The following CELF2 variants were observed in gnomAD, a reference collection of about 807,000 sequenced individuals.
The protein encoded by CELF2 is CUGBP Elav-like family member 2.
Under a neutral mutation model 62.6 loss-of-function variants are expected in CELF2, and 8 were observed. The observed-to-expected ratio is 0.13, with a 90% CI of 0.07 to 0.23. The LOEUF is 0.23. Ranked by LOEUF, CELF2 falls within the 10% of genes least tolerant of loss-of-function variation. The probability of loss-of-function intolerance (pLI) is 1.00; values close to 1 mark genes in which losing one functional copy is unlikely to be tolerated. For missense variants in CELF2, 333 were observed against 671.0 expected (o/e 0.50, Z 5.56); for synonymous variants, 258 against 250.0 (o/e 1.03, Z -0.30).
At chr10:10,499,437 T>G in the CELF2 span, among the ~76,000 whole-genome samples, 2 of 152,320 alleles carry the variant, frequency 1.3e-5, no homozygotes, top group Non-Finnish European at 2.9e-5. Flanking sequence ...GGGCTAAACT[T>G]ACTAGTAATT....
At chr10:11,061,646 G>A (rs550097001) in intron 1 of CELF2, among the ~76,000 whole-genome samples, 108 of 152,172 alleles carry the variant, frequency 7.1e-4, no homozygotes, top group Middle Eastern at 6.8e-3. Context: ...TCTTATAAGG[G>A]GCTAATACAA....
chr10:11,310,605 G>T (rs1411802428), intron 9 of CELF2, among the ~76,000 whole-genome samples: 1 of 151,998 alleles, frequency 6.6e-6, no homozygotes, highest in Non-Finnish European at 1.5e-5. Flanking sequence ...CCCTAAAATT[G>T]TGTGAAAATG....
chr10:11,304,953 T>C (rs1004085927), intron 9 of CELF2, among the ~76,000 whole-genome samples: 3 of 152,180 alleles, frequency 2.0e-5, no homozygotes, highest in African/African-American at 7.2e-5. Flanking sequence ...AGGCCCCAAA[T>C]AAGCTTCATT....
intron 1 of CELF2, among the ~76,000 whole-genome samples, chr10:10,845,229 G>A (rs2058934929): frequency 6.6e-6 from 1 of 151,712 alleles, no homozygotes; most frequent in Admixed American, 6.6e-5. Flanking sequence ...CCTCAAATGG[G>A]AGATCTGTAT....
chr10:11,061,106 G>A (rs932501174), intron 1 of CELF2, among the ~76,000 whole-genome samples: 6 of 152,230 alleles, frequency 3.9e-5, no homozygotes, highest in African/African-American at 1.4e-4. Context: ...AACGCTGAAA[G>A]CTGGGTCTGT....
intron 1 of CELF2, among the ~76,000 whole-genome samples, chr10:10,914,158 T>G (rs1471519210): frequency 6.6e-6 from 1 of 152,152 alleles, no homozygotes; most frequent in Non-Finnish European, 1.5e-5. Context: ...CTCTGTACTT[T>G]TGGGAAAAAA....
chr10:11,049,558 T>TAAAAAAA (rs368708381), intron 1 of CELF2, among the ~76,000 whole-genome samples: 3 of 96,906 alleles, frequency 3.1e-5, no homozygotes, highest in Admixed American at 1.4e-4. Flanking sequence ...CTTTCTTTAG[T>TAAAAAAA]AAAAAAAAAA....
the CELF2 span, among the ~76,000 whole-genome samples, chr10:10,741,900 GTTGT>G: frequency 1.3e-5 from 2 of 152,134 alleles, no homozygotes; most frequent in Non-Finnish European, 2.9e-5. Context: ...TTGTTACTGT[GTTGT>G]TTGTCTAATG....
intron 2 of CELF2, among the ~76,000 whole-genome samples, chr10:10,970,272 G>A (rs952549452): frequency 6.6e-6 from 1 of 152,056 alleles, no homozygotes; most frequent in Non-Finnish European, 1.5e-5. Flanking sequence ...TCACCATGTT[G>A]GCCAGGCTGG....
Position 11,165,271 on chromosome 10 carries a change from C to T in CELF2, c.75-215C>T, listed in dbSNP as rs2066726138. ...CCCGTGCTCCCCCGGCTCTGCTCGA[C>T]AGCAGCACGCAGTGAGAGCCTCGCC... On this transcript the variant is annotated intron_variant, in intron 1 of 12. Coordinates refer to ENST00000633077, the MANE Select transcript of CELF2 (RefSeq NM_001326342.2). This position sits in a 1 kb window ranked among gnomAD's most constrained non-coding sequence, Gnocchi z 7.4. The T allele has an allele frequency of 7.2e-7, 1 of 1,386,114 alleles. No individual in the cohort carries two copies. Among genetic ancestry groups the T allele is most frequent in the Non-Finnish European group, 9.3e-7 (1 of 1,070,224 alleles). 85.9% of individuals were successfully genotyped at this position (1,386,114 alleles called of 1,614,324 possible). A position where few individuals can be genotyped will look rare whatever the true frequency, so the allele number is the denominator to read the frequency against.
intron 3 of CELF2, among the ~76,000 whole-genome samples, chr10:11,229,419 G>A (rs963644325): frequency 1.3e-5 from 2 of 152,008 alleles, no homozygotes; most frequent in African/African-American, 2.4e-5. Context: ...ATAAAGAACC[G>A]ATGAAGACAA....
chr10:11,071,487 A>G (rs1399678859), intron 1 of CELF2: 2 of 152,230 alleles, frequency 1.3e-5, no homozygotes, highest in Non-Finnish European at 2.9e-5. Flanking sequence ...TTCCTGACTT[A>G]TCTTCGACAC....
chr10:11,182,724 A>G (rs1285497297), intron 2 of CELF2, among the ~76,000 whole-genome samples: 2 of 152,212 alleles, frequency 1.3e-5, no homozygotes, highest in Non-Finnish European at 2.9e-5. Context: ...CTGCCAGCAT[A>G]CAGCTTGTCC....
the CELF2 span, among the ~76,000 whole-genome samples, chr10:10,761,428 G>T: frequency 1.6e-4 from 25 of 152,230 alleles, no homozygotes; most frequent in Non-Finnish European, 2.8e-4. Context: ...CATGAAAAAT[G>T]TATGTTGATT....
chr10:11,185,089 A>C (rs542549414), intron 2 of CELF2, among the ~76,000 whole-genome samples: 2 of 152,184 alleles, frequency 1.3e-5, no homozygotes, highest in Non-Finnish European at 2.9e-5. Context: ...AATGGATATT[A>C]GATTTTTTTT....
chr10:10,507,592 G>A, the CELF2 span, among the ~76,000 whole-genome samples: 1 of 152,310 alleles, frequency 6.6e-6, no homozygotes, highest in Admixed American at 6.5e-5. Flanking sequence ...GTAGAAAGGG[G>A]AGACACAAAA....
In CELF2 at chr10:11,328,295, T is replaced by A. The variant is rs2095859730; in HGVS notation, c.1439-631T>A. ...CCCAGCACTTCCCTAGTCTCCTTGG[T>A]ATTAACTCCAAATGGGTAAAAATCA... On this transcript the variant is annotated intron_variant, in intron 12 of 12. Coordinates refer to ENST00000633077, the MANE Select transcript of CELF2 (RefSeq NM_001326342.2). The surrounding 1 kb of genome is among the most constrained non-coding windows in gnomAD (Gnocchi z 6.4). Among the ~76,000 whole-genome samples the A allele has an allele frequency of 6.6e-6, 1 of 152,240 alleles. No individual in the cohort carries two copies. The highest frequency in any genetic ancestry group is 2.1e-4 in the South Asian group (1 of 4,832).
At chr10:11,229,949 T>G (rs1589448241) in intron 3 of CELF2, among the ~76,000 whole-genome samples, 1 of 152,274 alleles carries the variant, frequency 6.6e-6, no homozygotes, top group African/African-American at 2.4e-5. Flanking sequence ...GAACTTCTGT[T>G]AAGAGAATGA....
chr10:10,772,168 A>G, the CELF2 span, among the ~76,000 whole-genome samples: 1 of 152,196 alleles, frequency 6.6e-6, no homozygotes, highest in Non-Finnish European at 1.5e-5. Flanking sequence ...TCAAGAAAAA[A>G]AAAACTGGAA....
Sources: gnomAD v4.1 joint callset for allele counts (sites outside exome capture counted in the v4.1 genomes callset) on GRCh38, gnomAD v4.1.1 for gene constraint, Gnocchi (gnomAD v3.1) non-coding constraint, MANE v1.5 for transcripts, NCBI Gene and HGNC (gene_info 2026-07-23, HGNC 2026-07-21) for gene names.